CNTN5: variants seen among roughly 807,000 people sequenced by gnomAD.
CNTN5 encodes the protein contactin-5.
Under a neutral mutation model 129.1 loss-of-function variants are expected in CNTN5, and 77 were observed. The observed-to-expected ratio is 0.60, with a 90% CI of 0.50 to 0.72. The LOEUF (loss-of-function observed/expected upper bound fraction) is 0.72. Among genes scored for constraint, CNTN5 ranks in the 30% least tolerant of loss-of-function variants. The pLI is 0.00. For synonymous variants in CNTN5, 509 were observed against 465.6 expected, an observed-to-expected ratio of 1.09 and a Z score of -1.20; for missense variants, 1,478 against 1,328.8, an observed-to-expected ratio of 1.11 and a Z score of -1.75.
rs114552949 is a variant in CNTN5 at position 99,596,275 on chromosome 11, C to G, written c.55+40006C>G. On this transcript the variant is annotated intron_variant, in intron 3 of 24. Coordinates refer to ENST00000524871, the MANE Select transcript of CNTN5 (RefSeq NM_014361.4). ...AGGATTAAGATATGAGTTTAAGTAA[C>G]CTGGAATCCTGCTGAAGAGATGAAT... 6.6e-3 allele frequency among the ~76,000 whole-genome samples: 1,007 copies of G among 152,138 alleles called. 11 individuals are homozygous for G. Among genetic ancestry groups the G allele is most frequent in the African/African-American group, 0.023 (941 of 41,530 alleles).
chr11:99,128,432 G>A (rs1858755727), intron 1 of CNTN5, among the ~76,000 whole-genome samples: 1 of 151,844 alleles, frequency 6.6e-6, no homozygotes. Flanking sequence ...ACTGGGCAGG[G>A]CCTCACACAT....
chr11:100,354,914 G>A (rs1275379207), intron 24 of CNTN5, among the ~76,000 whole-genome samples: 2 of 151,672 alleles, frequency 1.3e-5, no homozygotes, highest in East Asian at 3.9e-4. Flanking sequence ...CAGGAACAGA[G>A]CTTGCAGGGC....
intron 4 of CNTN5, chr11:99,844,569 GA>G: frequency 5.1e-6 from 2 of 392,708 alleles, no homozygotes; most frequent in Non-Finnish European, 9.4e-6. Flanking sequence ...GTCTGATTTT[GA>G]AAAATGAAAA....
intron 21 of CNTN5, among the ~76,000 whole-genome samples, chr11:100,330,092 G>A (rs1189757169): frequency 6.6e-6 from 1 of 152,158 alleles, no homozygotes; most frequent in Non-Finnish European, 1.5e-5. Context: ...TACAGAATGT[G>A]AAGGAGAAAT....
intron 9 of CNTN5, among the ~76,000 whole-genome samples, chr11:100,024,517 G>A (rs530673130): frequency 2.0e-5 from 3 of 152,260 alleles, no homozygotes; most frequent in Admixed American, 2.0e-4. Context: ...CAGTTTGGAG[G>A]GCTCAGGAGA....
At chr11:99,941,586 A>AC (rs1555163260) in intron 7 of CNTN5, among the ~76,000 whole-genome samples, 4 of 152,010 alleles carry the variant, frequency 2.6e-5, no homozygotes, top group Non-Finnish European at 4.4e-5. Context: ...ACACACACAC[A>AC]AAGAGAAAGA....
chr11:99,473,931 T>C (rs1285194147), intron 2 of CNTN5, among the ~76,000 whole-genome samples: 1 of 152,080 alleles, frequency 6.6e-6, no homozygotes, highest in African/African-American at 2.4e-5. Flanking sequence ...AAAGTAGCCA[T>C]AGTGCTACTG....
At chr11:100,106,383 C>T (rs749891351) in intron 13 of CNTN5, among the ~76,000 whole-genome samples, 8 of 152,230 alleles carry the variant, frequency 5.3e-5, no homozygotes, top group South Asian at 2.1e-4. Context: ...AGCTAGACTG[C>T]GTGATGCAAA....
intron 8 of CNTN5, among the ~76,000 whole-genome samples, chr11:99,999,211 G>T (rs1184406735): frequency 6.6e-6 from 1 of 152,086 alleles, no homozygotes; most frequent in Non-Finnish European, 1.5e-5. Flanking sequence ...CCATCAGAGT[G>T]AACAGGCAAC....
chr11:100,070,595 A>G, intron 11 of CNTN5, 35 bp downstream of exon 11: 2 of 1,605,488 alleles, frequency 1.2e-6, no homozygotes. Context: ...TTCTGCTGTA[A>G]TTTTAGCGAG....
At chr11:100,350,369 C>A (rs920284601) in intron 23 of CNTN5, among the ~76,000 whole-genome samples, 1 of 151,668 alleles carries the variant, frequency 6.6e-6, no homozygotes, top group Admixed American at 6.6e-5. Flanking sequence ...TTTCTTATTG[C>A]TTAGATGTAG....
At chr11:100,032,267 T>C (rs188734811) in intron 9 of CNTN5, among the ~76,000 whole-genome samples, 147 of 152,274 alleles carry the variant, frequency 9.7e-4, no homozygotes, top group African/African-American at 3.2e-3. Context: ...AGTGCTTTTT[T>C]TGCTGTAGTA....
At position 99,088,671 on chromosome 11, in the gene CNTN5, T is replaced by C. The variant is rs17132955; in HGVS notation, c.-210+67401T>C. Among the ~76,000 whole-genome samples, 830 of 152,218 alleles carry C rather than the reference T, an allele frequency of 5.5e-3. 8 individuals are homozygous for C. Among genetic ancestry groups the C allele is most frequent in the African/African-American group, 0.019 (802 of 41,518 alleles). ...AAACGCATATGTTATGTAAGACCTG[T>C]ACATTATAGCAACTCGGAGCAATCT... On this transcript the variant is annotated intron_variant, in intron 1 of 24. Coordinates refer to ENST00000524871, the MANE Select transcript of CNTN5 (RefSeq NM_014361.4).
intron 1 of CNTN5, among the ~76,000 whole-genome samples, chr11:99,122,257 A>T (rs76825643): frequency 0.058 from 8,882 of 152,066 alleles, 274 homozygotes; most frequent in African/African-American, 0.076. Context: ...AGTTTATTAA[A>T]CCCATTTATT....
intron 3 of CNTN5, among the ~76,000 whole-genome samples, chr11:99,766,551 A>G (rs1200487577): frequency 6.6e-6 from 1 of 152,008 alleles, no homozygotes; most frequent in African/African-American, 2.4e-5. Flanking sequence ...CTAAAAGACT[A>G]CCCCTTATCA....
At chr11:99,845,582 C>T (rs573627206) in intron 6 of CNTN5, among the ~76,000 whole-genome samples, 6 of 151,784 alleles carry the variant, frequency 4.0e-5, no homozygotes, top group Admixed American at 6.6e-5. Context: ...CCGTTTCAGC[C>T]GGGATGGTGT....
intron 9 of CNTN5, among the ~76,000 whole-genome samples, chr11:100,025,675 C>A (rs896869880): frequency 6.6e-6 from 1 of 152,176 alleles, no homozygotes; most frequent in Admixed American, 6.5e-5. Context: ...TTCAGCATGA[C>A]CTGGAAGTGA....
Position 100,101,423 on chromosome 11 carries a change from G to A in CNTN5, c.1580+27129G>A, listed in dbSNP as rs550177251. On this transcript the variant is annotated intron_variant, in intron 13 of 24. Coordinates refer to ENST00000524871, the MANE Select transcript of CNTN5 (RefSeq NM_014361.4). The stretch of plus-strand genomic sequence containing the variant: ...ATCCACTTTTCTAGCCTTTTCTCTT[G>A]CCACTCAGTCATGTATCTTTTACAC... Among the ~76,000 whole-genome samples, 5 of 152,054 alleles carry A rather than the reference G, an allele frequency of 3.3e-5. No individual in the cohort carries two copies. In the South Asian group the frequency reaches 1.0e-3, roughly 32 times the overall value.
At chr11:100,194,211 A>G (rs1948576220) in intron 15 of CNTN5, among the ~76,000 whole-genome samples, 1 of 151,938 alleles carries the variant, frequency 6.6e-6, no homozygotes. Context: ...GCAATCAACC[A>G]AATGGAGTGG....
Sources: gnomAD v4.1 joint callset for allele counts (sites outside exome capture counted in the v4.1 genomes callset) on GRCh38, gnomAD v4.1.1 for gene constraint, MANE v1.5 for transcripts, NCBI Gene and HGNC (gene_info 2026-07-23, HGNC 2026-07-21) for gene names.